The following NF2 variants were observed in gnomAD, a reference collection of about 807,000 sequenced individuals.
NF2 encodes NF2, moesin-ezrin-radixin like (MERLIN) tumor suppressor, also known as merlin.
A neutral mutation model predicts 83.7 loss-of-function variants in NF2; 8 were observed. The observed-to-expected ratio is 0.10, with a 90% CI of 0.06 to 0.17. The LOEUF is 0.17. Ranked by LOEUF, NF2 falls within the 10% of genes least tolerant of loss-of-function variation. NF2 has a pLI of 1.00. For missense variants in NF2, 533 were observed against 744.4 expected (o/e 0.72, Z 3.31); for synonymous variants, 266 against 269.6 (o/e 0.99, Z 0.13).
At chr22:29,626,428 AT>A (rs1457470488) in intron 1 of NF2, among the ~76,000 whole-genome samples, 1 of 152,144 alleles carries the variant, frequency 6.6e-6, no homozygotes, top group East Asian at 1.9e-4. Context: ...CTGGGATTAC[AT>A]GTGCGAGCCA....
rs900771444 is a variant in NF2 at position 29,676,337 on chromosome 22, C to G, written c.1446+1396C>G. On this transcript the variant is annotated intron_variant, in intron 13 of 15. Coordinates refer to ENST00000338641, the MANE Select transcript of NF2 (RefSeq NM_000268.4). The stretch of plus-strand genomic sequence containing the variant: ...CACAGACATGCACCACCACGCCCAG[C>G]TAATTTTTTTTTTTATTTGGTAGGG... 6.6e-6 allele frequency among the ~76,000 whole-genome samples: 1 copy of G among 151,900 alleles called. No individual in the cohort carries two copies. The highest frequency in any genetic ancestry group is 1.5e-5 in the Non-Finnish European group (1 of 67,996).
At chr22:29,648,018 C>A (rs2066030561) in intron 4 of NF2, among the ~76,000 whole-genome samples, 1 of 151,968 alleles carries the variant, frequency 6.6e-6, no homozygotes, top group Non-Finnish European at 1.5e-5. Flanking sequence ...GTAGTCCCAG[C>A]TACTTGGGAG....
intron 5 of NF2, 106 bp downstream of exon 5, chr22:29,654,831 T>G (rs1026569261): frequency 2.3e-6 from 2 of 861,242 alleles, no homozygotes; most frequent in African/African-American, 3.4e-5. Context: ...GCAATTTAAT[T>G]TTAATAAATA....
intron 4 of NF2, among the ~76,000 whole-genome samples, chr22:29,650,516 G>C (rs1214960390): frequency 4.6e-5 from 7 of 151,004 alleles, no homozygotes; most frequent in South Asian, 2.1e-4. Flanking sequence ...TTGTTTGTTT[G>C]TTTCTTTCTT....
Position 29,613,532 on chromosome 22 carries a change from AAAAAAT to A in NF2, c.114+9432_114+9437del, listed in dbSNP as rs1387572772. On this transcript the variant is annotated intron_variant, in intron 1 of 15. Transcript: ENST00000338641. ...GGGGACAGAGCGAGATTCCATTTCA[AAAAAAT>A]AAAAATAAAAAGACAGTGTGGTACT... is the stretch of plus-strand genomic sequence containing the variant. Among the ~76,000 whole-genome samples, 9 of 152,268 alleles carry A rather than the reference AAAAAAT, an allele frequency of 5.9e-5. No homozygotes were observed. In the East Asian group the frequency reaches 1.2e-3, roughly 20 times the overall value.
At chr22:29,655,737 T>C (rs2066285893) in intron 6 of NF2, 61 bp downstream of exon 6, 2 of 1,290,608 alleles carry the variant, frequency 1.5e-6, no homozygotes, top group Non-Finnish European at 1.1e-6. Flanking sequence ...TTTTTTGCCT[T>C]AAAGAACTGC....
chr22:29,642,367 T>G, intron 4 of NF2, 82 bp downstream of exon 4: 1 of 1,125,158 alleles, frequency 8.9e-7, no homozygotes, highest in South Asian at 1.3e-5. Context: ...TTTCTTTGGG[T>G]TTTCTGTACT....
Position 29,603,707 on chromosome 22 carries a change from C to G in NF2, c.-292C>G. ...TCTAGGGGTCCCGTCCCGAGGCGTCCCCGGCATCTCCGGCCCGAATCCCGG... is the reference window on the plus strand; with the variant it reads ...TCTAGGGGTCCCGTCCCGAGGCGTCGCCGGCATCTCCGGCCCGAATCCCGG... On this transcript the variant is annotated 5_prime_UTR_variant, in exon 1 of 16. Coordinates refer to ENST00000338641, the MANE Select transcript of NF2 (RefSeq NM_000268.4). The G allele has an allele frequency of 4.4e-6, 2 of 450,216 alleles. No homozygotes were observed. Among genetic ancestry groups the G allele is most frequent in the Admixed American group, 8.1e-5 (2 of 24,818 alleles). 27.9% of individuals were successfully genotyped at this position (450,216 alleles called of 1,614,324 possible).
intron 1 of NF2, among the ~76,000 whole-genome samples, chr22:29,610,171 C>G (rs2064911754): frequency 6.6e-6 from 1 of 151,844 alleles, no homozygotes; most frequent in Non-Finnish European, 1.5e-5. Flanking sequence ...GACCCCAACT[C>G]TAAAATATAC....
intron 1 of NF2, among the ~76,000 whole-genome samples, chr22:29,632,221 A>G (rs1475214109): frequency 2.6e-5 from 4 of 152,148 alleles, no homozygotes; most frequent in Non-Finnish European, 4.4e-5. Context: ...CTCCAGCCAG[A>G]CTGAACTATC....
intron 3 of NF2, 36 bp downstream of exon 3, chr22:29,639,248 AAC>A (rs975047634): frequency 5.6e-6 from 9 of 1,613,338 alleles, no homozygotes; most frequent in Non-Finnish European, 7.6e-6. Context: ...GTTCTGAGAG[AAC>A]TTGCCCAGGA....
intron 1 of NF2, among the ~76,000 whole-genome samples, chr22:29,634,017 C>A (rs549333149): frequency 6.6e-6 from 1 of 152,232 alleles, no homozygotes; most frequent in African/African-American, 2.4e-5. Context: ...TGGTTACTTA[C>A]TGGAAAAGGT....
chr22:29,620,853 C>T (rs540818640), intron 1 of NF2, among the ~76,000 whole-genome samples: 21 of 152,174 alleles, frequency 1.4e-4, no homozygotes, highest in South Asian at 2.1e-4. Flanking sequence ...AACCACCACA[C>T]GCAGCTCTGA....
intron 1 of NF2, among the ~76,000 whole-genome samples, chr22:29,625,285 G>A (rs1005576641): frequency 1.1e-4 from 16 of 152,094 alleles, no homozygotes; most frequent in African/African-American, 1.7e-4. Context: ...TGATGTCCAC[G>A]GTGATAGCAG....
chr22:29,607,970 C>T (rs1450144013), intron 1 of NF2, among the ~76,000 whole-genome samples: 1 of 151,294 alleles, frequency 6.6e-6, no homozygotes, highest in Non-Finnish European at 1.5e-5. Flanking sequence ...GTCGGGAGTT[C>T]GAGACCAGCC....
intron 3 of NF2, among the ~76,000 whole-genome samples, chr22:29,641,884 C>G (rs1365358125): frequency 6.6e-6 from 1 of 152,178 alleles, no homozygotes; most frequent in Non-Finnish European, 1.5e-5. Context: ...CAGAGCTGCT[C>G]TTGACACTTC....
intron 9 of NF2, among the ~76,000 whole-genome samples, chr22:29,666,962 G>A (rs1479230436): frequency 6.6e-6 from 1 of 151,818 alleles, no homozygotes; most frequent in Non-Finnish European, 1.5e-5. Flanking sequence ...GGCAACAAGA[G>A]TAAAACTTCG....
At chr22:29,610,315 C>T (rs532205795) in intron 1 of NF2, among the ~76,000 whole-genome samples, 1 of 152,058 alleles carries the variant, frequency 6.6e-6, no homozygotes, top group South Asian at 2.1e-4. Flanking sequence ...CACAGTGCTT[C>T]AGCCAGGGTG....
intron 4 of NF2, among the ~76,000 whole-genome samples, chr22:29,653,023 G>A (rs1601609127): frequency 1.3e-5 from 2 of 152,136 alleles, no homozygotes; most frequent in East Asian, 3.8e-4. Flanking sequence ...GGGCTCAAGT[G>A]ACCCTCCCAT....
Sources: allele counts gnomAD v4.1 joint callset (sites outside exome capture counted in the v4.1 genomes callset), GRCh38; gene constraint gnomAD v4.1.1; transcripts MANE v1.5; gene names NCBI Gene and HGNC (gene_info 2026-07-23, HGNC 2026-07-21).